KMT2A: variants seen among roughly 807,000 people sequenced by gnomAD.
The protein encoded by KMT2A is lysine methyltransferase 2A.
A neutral mutation model predicts 345.3 loss-of-function variants in KMT2A; 16 were observed. The observed-to-expected ratio is 0.05, with a 90% CI of 0.03 to 0.07. The LOEUF (loss-of-function observed/expected upper bound fraction) is 0.07, where lower values mean the gene tolerates loss of function less well. Among genes scored for constraint, KMT2A ranks in the 10% least tolerant of loss-of-function variants. The probability of loss-of-function intolerance (pLI) is 1.00; values close to 1 mark genes in which losing one functional copy is unlikely to be tolerated. For synonymous variants in KMT2A, 1,599 were observed against 1,778.6 expected (o/e 0.90, Z 2.54); for missense variants, 3,272 against 4,841.6 (o/e 0.68, Z 9.62).
chr11:118,524,810 T>TGG lies in KMT2A; in HGVS notation c.*2643_*2644dup, dbSNP rs577598609. 1 of 181,778 alleles carries TGG rather than the reference T, an allele frequency of 5.5e-6. No individual in the cohort carries two copies. Among genetic ancestry groups the TGG allele is most frequent in the African/African-American group, 2.4e-5 (1 of 41,912 alleles). 11.3% of individuals were successfully genotyped at this position (181,778 alleles called of 1,614,324 possible). A position where few individuals can be genotyped will look rare whatever the true frequency, so the allele number is the denominator to read the frequency against. Reference sequence around the variant, plus strand: ...AAAGACCCAAAGGCCAGTCAGGGGGTGGGGGGAACTCAGCTAAATAGACCT... The same window carrying TGG: ...AAAGACCCAAAGGCCAGTCAGGGGGTGGGGGGGGAACTCAGCTAAATAGACCT... On this transcript the variant is annotated 3_prime_UTR_variant, in exon 36 of 36. Transcript: ENST00000534358.
chr11:118,518,268 T>C (rs1555052204), intron 31 of KMT2A, among the ~76,000 whole-genome samples: 1 of 152,174 alleles, frequency 6.6e-6, no homozygotes, highest in African/African-American at 2.4e-5. Flanking sequence ...GTCCCTTTAA[T>C]GGAAAAAGCC....
intron 24 of KMT2A, chr11:118,500,693 TG>T (rs1950487141): frequency 8.9e-6 from 2 of 225,182 alleles, no homozygotes; most frequent in Non-Finnish European, 1.8e-5. Context: ...ATTTTTGTAA[TG>T]GTTAATATTT....
At position 118,484,334 on chromosome 11, in the gene KMT2A, A is replaced by G. The variant is rs9332798; in HGVS notation, c.4218+20A>G. On this transcript the variant is annotated intron_variant, in intron 9 of 35. Transcript: ENST00000534358. The surrounding 1 kb of genome is among the most constrained non-coding windows in gnomAD (Gnocchi z 4.1). ...TTTAAGGTAAAGGTGTTCAGTGATC[A>G]TAAAGTATATTGAGTGTCAAAGACT... The G allele has an allele frequency of 1.3e-3, 2,115 of 1,612,402 alleles. 17 individuals carry two copies. In the African/African-American group the frequency reaches 0.022, roughly 17 times the overall value.
chr11:118,489,170 CCACTCCAGCCTGTGGTGCAGTCTGT>C (rs1251199046), intron 11 of KMT2A, among the ~76,000 whole-genome samples: 4 of 149,866 alleles, frequency 2.7e-5, no homozygotes, highest in Non-Finnish European at 1.5e-5. Flanking sequence ...TTGCAGTGAG[CCACTCCAGCCTGTGGTGCAGTCTGT>C]CACTCCAGCC....
rs548584814 is a variant in KMT2A, at chr11:118,520,044, G to A, written c.11409G>A (p.Glu3803=). The A allele has an allele frequency of 6.2e-7, 1 of 1,613,754 alleles. No homozygotes were observed. Among genetic ancestry groups the A allele is most frequent in the African/African-American group, 1.3e-5 (1 of 75,044 alleles). The change falls in exon 33 of 36, where the codon GAG becomes GAA. Residue 3803 remains glutamate (E), a synonymous_variant. Transcript: ENST00000534358. The surrounding 1 kb of genome is among the most constrained non-coding windows in gnomAD (Gnocchi z 4.3). ...ACCCCAATGATGAAGAAGAGGAGGAGGTACAGCTGAAGTCAGCTCGGTAAG... is the reference window on the plus strand; with the variant it reads ...ACCCCAATGATGAAGAAGAGGAGGAAGTACAGCTGAAGTCAGCTCGGTAAG... The part of the protein sequence containing the change: ...EYNPNDEEEE[E]VQLKSARRAT...
chr11:118,468,888 TAGG>T, intron 2 of KMT2A, 44 bp downstream of exon 2: 2 of 1,511,284 alleles, frequency 1.3e-6, no homozygotes, highest in Non-Finnish European at 1.8e-6. Flanking sequence ...TTTTGTTTGT[TAGG>T]AGATTGTGGC....
intron 31 of KMT2A, among the ~76,000 whole-genome samples, chr11:118,515,877 G>A (rs1175807153): frequency 2.6e-5 from 4 of 151,822 alleles, no homozygotes; most frequent in African/African-American, 7.3e-5. Context: ...TAGTAGAGAC[G>A]GGATTTCACC....
intron 24 of KMT2A, chr11:118,500,650 A>G (rs1310234671): frequency 5.8e-6 from 1 of 172,698 alleles, no homozygotes; most frequent in Non-Finnish European, 1.2e-5. Flanking sequence ...TATACATTGT[A>G]AGGCAATAGT....
chr11:118,484,459 T>G lies in KMT2A; in HGVS notation c.4218+145T>G, dbSNP rs1252063512. 6 of 789,646 alleles carry G rather than the reference T, an allele frequency of 7.6e-6. No individual in the cohort carries two copies. In the Admixed American group the frequency reaches 8.3e-5, roughly 11 times the overall value. The allele number at this position is 789,646 out of a possible 1,614,324, so 48.9% of individuals were successfully genotyped here. On this transcript the variant is annotated intron_variant, in intron 9 of 35. Transcript: ENST00000534358. This position sits in a 1 kb window ranked among gnomAD's most constrained non-coding sequence, Gnocchi z 4.1. ...TCCCATTAGCAGGTGGGTTTAGCGCTGGGAGAGCTTTGGTCAGTGTTGTTA... is the reference window on the plus strand; with the variant it reads ...TCCCATTAGCAGGTGGGTTTAGCGCGGGGAGAGCTTTGGTCAGTGTTGTTA...
chr11:118,512,630 A>T (rs1033990849), intron 31 of KMT2A, among the ~76,000 whole-genome samples: 4 of 151,566 alleles, frequency 2.6e-5, no homozygotes, highest in South Asian at 2.1e-4. Context: ...ACATGTTTTT[A>T]TTTTTTTTCA....
Position 118,522,247 on chromosome 11 carries a change from C to G in KMT2A, c.*75C>G. 6.5e-7 allele frequency: 1 copy of G among 1,532,772 alleles called. No individual in the cohort carries two copies. The highest frequency in any genetic ancestry group is 1.2e-5 in the South Asian group (1 of 82,418). The allele number at this position is 1,532,772 out of a possible 1,614,324, so 94.9% of individuals were successfully genotyped here. A position where few individuals can be genotyped will look rare whatever the true frequency, so the allele number is the denominator to read the frequency against. ...AAGCAACGCTGAAGGCCTTTTCCAGCAGCTGGGAGCTCCCGGATTGCGTGG... is the reference window on the plus strand; with the variant it reads ...AAGCAACGCTGAAGGCCTTTTCCAGGAGCTGGGAGCTCCCGGATTGCGTGG... On this transcript the variant is annotated 3_prime_UTR_variant, in exon 36 of 36. Transcript: ENST00000534358. This position sits in a 1 kb window ranked among gnomAD's most constrained non-coding sequence, Gnocchi z 5.4.
In KMT2A at chr11:118,495,645, G is replaced by A. The variant is rs1192438733; in HGVS notation, c.5364-55G>A. Reference sequence around the variant, plus strand: ...TGATATCAAGAATTTATTTTATACAGTTCTAGGTATACTGTAGGAGTTCAA... The same window carrying A: ...TGATATCAAGAATTTATTTTATACAATTCTAGGTATACTGTAGGAGTTCAA... On this transcript the variant is annotated intron_variant, in intron 18 of 35. Coordinates refer to ENST00000534358, the MANE Select transcript of KMT2A (RefSeq NM_001197104.2). This position sits in a 1 kb window ranked among gnomAD's most constrained non-coding sequence, Gnocchi z 4.1. The A allele has an allele frequency of 1.4e-5, 20 of 1,401,948 alleles. No individual in the cohort carries two copies. The highest frequency in any genetic ancestry group is 1.9e-5 in the Non-Finnish European group (19 of 1,014,146). 86.8% of individuals were successfully genotyped at this position (1,401,948 alleles called of 1,614,324 possible). A position where few individuals can be genotyped will look rare whatever the true frequency, so the allele number is the denominator to read the frequency against.
chr11:118,503,105 T>G lies in KMT2A; in HGVS notation c.7213T>G (p.Leu2405Val). 6.2e-7 allele frequency: 1 copy of G among 1,613,232 alleles called. No homozygotes were observed. The highest frequency in any genetic ancestry group is 8.5e-7 in the Non-Finnish European group (1 of 1,179,984). ...AGATGAAGATACTGAAGTCAAAACC[T>G]TGAAGCTATCTGGAATGAGCAACAG... ...SPDEDTEVKT[L>V]KLSGMSNRSS... The change falls in exon 27 of 36, where the codon TTG becomes GTG. Residue 2405 changes from leucine to valine, a missense_variant. Leu to Val is a conservative substitution (Grantham distance 32). Around this residue, in one of 27 missense-constraint regions of KMT2A, gnomAD observed 445 missense variants for 500.9 expected, o/e 0.89. Coordinates refer to ENST00000534358, the MANE Select transcript of KMT2A (RefSeq NM_001197104.2). This position sits in a 1 kb window ranked among gnomAD's most constrained non-coding sequence, Gnocchi z 5.3.
intron 10 of KMT2A, chr11:118,488,379 A>AT (rs757048058): frequency 2.6e-4 from 139 of 529,914 alleles, no homozygotes; most frequent in Non-Finnish European, 4.2e-4. Flanking sequence ...TAAATCTTGT[A>AT]TTATATTTAT....
rs1555054546 is a variant in KMT2A at position 118,523,923 on chromosome 11, A to C, written c.*1751A>C. 3 of 201,340 alleles carry C rather than the reference A, an allele frequency of 1.5e-5. No homozygotes were observed. Among genetic ancestry groups the C allele is most frequent in the Non-Finnish European group, 3.1e-5 (3 of 97,870 alleles). The allele number at this position is 201,340 out of a possible 1,614,324, so 12.5% of individuals were successfully genotyped here. A position where few individuals can be genotyped will look rare whatever the true frequency, so the allele number is the denominator to read the frequency against. The stretch of plus-strand genomic sequence containing the variant: ...CCTTCCCCTATTGAAGCTCCTCAAA[A>C]GGCTACAGTAATATCTTGATACAAC... On this transcript the variant is annotated 3_prime_UTR_variant, in exon 36 of 36. Transcript: ENST00000534358.
Position 118,489,794 on chromosome 11 carries a change from G to T in KMT2A, c.4482G>T (p.Gln1494His). 1 of 1,613,900 alleles carries T rather than the reference G, an allele frequency of 6.2e-7. No homozygotes were observed. The change falls in exon 12 of 36, where the codon CAG (glutamine) becomes CAT (histidine). Residue 1494 changes from glutamine to histidine, a missense_variant and splice_region_variant. Gln to His is a conservative substitution (Grantham distance 24). Coordinates refer to ENST00000534358, the MANE Select transcript of KMT2A (RefSeq NM_001197104.2). The part of the protein sequence containing the change: ...VCGRQHQATK[Q>H]LLECNKCRNS... The stretch of plus-strand genomic sequence containing the variant: ...TTTGCCATTATATTTTCTTACAGCA[G>T]CTGCTGGAGTGTAATAAGTGCCGAA...
intron 5 of KMT2A, among the ~76,000 whole-genome samples, chr11:118,479,954 T>A (rs1467288642): frequency 6.6e-6 from 1 of 152,156 alleles, no homozygotes; most frequent in Non-Finnish European, 1.5e-5. Flanking sequence ...TCAAAAATAA[T>A]TTGATATTTG....
At position 118,472,798 on chromosome 11, in the gene KMT2A, T is replaced by C. The variant is rs782379558; in HGVS notation, c.1639T>C (p.Ser547Pro). 2 of 1,613,760 alleles carry C rather than the reference T, an allele frequency of 1.2e-6. No homozygotes were observed. Among genetic ancestry groups the C allele is most frequent in the East Asian group, 2.2e-5 (1 of 44,864 alleles). The change falls in exon 3 of 36, where the codon TCA becomes CCA. Residue 547 changes from serine to proline, a missense_variant. Around this residue, in one of 27 missense-constraint regions of KMT2A, gnomAD observed 180 missense variants for 190.7 expected, o/e 0.94. Coordinates refer to ENST00000534358, the MANE Select transcript of KMT2A (RefSeq NM_001197104.2). ...SFGSRTTKKL[S>P]TLQSAPQQQT... ...TGGATCTAGAACGACGAAAAAATTA[T>C]CAACTCTACAAAGTGCCCCCCAGCA...
In KMT2A at chr11:118,455,680, A is replaced by G. The variant is rs191559762; in HGVS notation, c.433-13095A>G. Among the ~76,000 whole-genome samples the G allele has an allele frequency of 8.3e-3, 1,220 of 146,946 alleles. 14 individuals carry two copies. Among genetic ancestry groups the G allele is most frequent in the African/African-American group, 0.029 (1,169 of 39,866 alleles). ...CCCCTTATTATTATTATTTTTTTTT[A>G]TTTTTATTTTTATTTTTATTTATTT... On this transcript the variant is annotated intron_variant, in intron 1 of 35. Transcript: ENST00000534358.
Sources: allele counts gnomAD v4.1 joint callset (sites outside exome capture counted in the v4.1 genomes callset), GRCh38; gene constraint gnomAD v4.1.1; regional missense constraint gnomAD v4.1.1; non-coding constraint Gnocchi (gnomAD v3.1); transcripts MANE v1.5; gene names NCBI Gene and HGNC (gene_info 2026-07-23, HGNC 2026-07-21).